The following FGF8 variants were observed in gnomAD, a reference collection of about 807,000 sequenced individuals.
FGF8 encodes androgen-induced growth factor.
In FGF8, 12 loss-of-function variants were observed where a neutral mutation model predicts 29.7. That is an observed-to-expected ratio of 0.40 (90% CI 0.26 to 0.65). The LOEUF is 0.65. Among genes scored for constraint, FGF8 ranks in the 30% least tolerant of loss-of-function variants. The pLI is 0.37. For missense variants in FGF8, 271 were observed against 345.1 expected (o/e 0.79, Z 1.70); for synonymous variants, 157 against 144.4 (o/e 1.09, Z -0.63).
rs2064999436 is a variant in FGF8 at position 101,770,295 on chromosome 10, G to T, written c.*34C>A. The stretch of plus-strand genomic sequence containing the variant: ...GGTGCCCTACAGGATGAGCCTCTCT[G>T]CGGTCTGGCATTGTGGGGAGGGCCA... On this transcript the variant is annotated 3_prime_UTR_variant, in exon 6 of 6. Transcript: ENST00000320185. 6.4e-7 allele frequency: 1 copy of T among 1,555,564 alleles called. No homozygotes were observed. The highest frequency in any genetic ancestry group is 1.2e-5 in the South Asian group (1 of 82,886).
Position 101,770,228 on chromosome 10 carries a change from C to T in FGF8, c.*101G>A. On this transcript the variant is annotated 3_prime_UTR_variant, in exon 6 of 6. Coordinates refer to ENST00000320185, the MANE Select transcript of FGF8 (RefSeq NM_033163.5). ...ACCCAGGGCTCCCCCAGCACCTCCC[C>T]AGCCTGCAGAGCAGCGCACAGCTCA... 2 of 1,206,434 alleles carry T rather than the reference C, an allele frequency of 1.7e-6. No homozygotes were observed. The highest frequency in any genetic ancestry group is 1.6e-5 in the South Asian group (1 of 62,244). 74.7% of individuals were successfully genotyped at this position (1,206,434 alleles called of 1,614,324 possible).
In FGF8 at chr10:101,770,377, C is replaced by A. The variant is rs545150103; in HGVS notation, c.687G>T (p.Thr229=). The change falls in exon 6 of 6, where the codon ACG becomes ACT. Residue 229 remains threonine (T), a synonymous_variant. Transcript: ENST00000320185. The stretch of plus-strand genomic sequence containing the variant: ...TCCTCTGGCTGCCGCGCAGGCTGCG[C>A]GTGAAGGGCGGGTAGTTGAGGAACT... ...RFEFLNYPPF[T]RSLRGSQRTW... 2.5e-6 allele frequency: 4 copies of A among 1,603,030 alleles called. No individual in the cohort carries two copies. Among genetic ancestry groups the A allele is most frequent in the East Asian group, 4.5e-5 (2 of 44,422 alleles).
chr10:101,778,924 G>A (rs2065118160), upstream of FGF8, among the ~76,000 whole-genome samples: 3 of 152,170 alleles, frequency 2.0e-5, no homozygotes, highest in Non-Finnish European at 4.4e-5. Flanking sequence ...TGGCCCAGAT[G>A]AGGGAGCGCC....
Position 101,770,156 on chromosome 10 carries a change from A to C in FGF8, c.*173T>G, listed in dbSNP as rs1007322914. On this transcript the variant is annotated 3_prime_UTR_variant, in exon 6 of 6. Transcript: ENST00000320185. Reference sequence around the variant, plus strand: ...TCTTTTGTTTTAAAAAAAAAAAAAAAAAAAAAAACAGCAAAAACCCAACAG... The same window carrying C: ...TCTTTTGTTTTAAAAAAAAAAAAAACAAAAAAAACAGCAAAAACCCAACAG... 31 of 570,206 alleles carry C rather than the reference A, an allele frequency of 5.4e-5. No homozygotes were observed. The highest frequency in any genetic ancestry group is 3.6e-5 in the Non-Finnish European group (12 of 337,812). The allele number at this position is 570,206 out of a possible 1,614,324, so 35.3% of individuals were successfully genotyped here.
rs570874523 is a variant in FGF8 at position 101,775,648 on chromosome 10, C to G, written c.69+92G>C. 25 of 1,439,110 alleles carry G rather than the reference C, an allele frequency of 1.7e-5. No homozygotes were observed. In the South Asian group the frequency reaches 3.1e-4, roughly 18 times the overall value. 89.1% of individuals were successfully genotyped at this position (1,439,110 alleles called of 1,614,324 possible). Reference sequence around the variant, plus strand: ...GTGCCCTCAGCCCTCCCGCGCCGGCCGCAGAGTCAGTCCCGGTGCCCCCGA... The same window carrying G: ...GTGCCCTCAGCCCTCCCGCGCCGGCGGCAGAGTCAGTCCCGGTGCCCCCGA... On this transcript the variant is annotated intron_variant, in intron 2 of 5. Coordinates refer to ENST00000320185, the MANE Select transcript of FGF8 (RefSeq NM_033163.5). This position sits in a 1 kb window ranked among gnomAD's most constrained non-coding sequence, Gnocchi z 4.6.
Position 101,775,841 on chromosome 10 carries a change from T to TGGGGGGGGGGGGGGG in FGF8, c.32+27_32+28insCCCCCCCCCCCCCCC. On this transcript the variant is annotated intron_variant, in intron 1 of 5. Transcript: ENST00000320185. The surrounding 1 kb of genome is among the most constrained non-coding windows in gnomAD (Gnocchi z 4.6). ...TGAGGCGAGGGGCGCGGGGGGCGGGTGGCGGGGCAGGGCGGCGCGGTACTC... is the reference window on the plus strand; with the variant it reads ...TGAGGCGAGGGGCGCGGGGGGCGGGTGGGGGGGGGGGGGGGGGCGGGGCAGGGCGGCGCGGTACTC... 1.0e-6 allele frequency: 1 copy of TGGGGGGGGGGGGGGG among 979,672 alleles called. No individual in the cohort carries two copies. Among genetic ancestry groups the TGGGGGGGGGGGGGGG allele is most frequent in the South Asian group, 1.7e-5 (1 of 59,474 alleles). 60.7% of individuals were successfully genotyped at this position (979,672 alleles called of 1,614,324 possible).
chr10:101,777,050 C>G (rs995869528), upstream of FGF8, among the ~76,000 whole-genome samples: 1 of 152,178 alleles, frequency 6.6e-6, no homozygotes, highest in Admixed American at 6.5e-5. Context: ...TCCAGGCCAC[C>G]CAGCCCTTTC....
intron 5 of FGF8, 49 bp from the exon 6 acceptor site, chr10:101,770,668 G>A (rs2065011429): frequency 7.5e-6 from 12 of 1,596,068 alleles, no homozygotes; most frequent in Non-Finnish European, 1.0e-5. Context: ...CCCCAGCAGA[G>A]GCAGAGGGCG....
chr10:101,776,834 C>G (rs1450717504), upstream of FGF8, among the ~76,000 whole-genome samples: 1 of 147,838 alleles, frequency 6.8e-6, no homozygotes, highest in African/African-American at 2.5e-5. Flanking sequence ...TCACTATCAC[C>G]CCTTCCCCTG....
chr10:101,772,927 T>C lies in FGF8; in HGVS notation c.338-1358A>G, dbSNP rs973706580. On this transcript the variant is annotated intron_variant, in intron 4 of 5. Coordinates refer to ENST00000320185, the MANE Select transcript of FGF8 (RefSeq NM_033163.5). This position sits in a 1 kb window ranked among gnomAD's most constrained non-coding sequence, Gnocchi z 4.4. ...TGCCTTCCACAGCAAGAGGCAGCTA[T>C]TTTTAAGGGCCAGGAAGGATGCTGA... 6.6e-6 allele frequency among the ~76,000 whole-genome samples: 1 copy of C among 152,162 alleles called. No homozygotes were observed. Among genetic ancestry groups the C allele is most frequent in the African/African-American group, 2.4e-5 (1 of 41,456 alleles).
upstream of FGF8, among the ~76,000 whole-genome samples, chr10:101,776,892 A>ACT (rs1455997177): frequency 7.7e-6 from 1 of 129,418 alleles, no homozygotes; most frequent in East Asian, 2.2e-4. Flanking sequence ...ACACACACAC[A>ACT]CTAGCCTGAA....
Position 101,771,028 on chromosome 10 carries a change from C to T in FGF8, c.445-409G>A, listed in dbSNP as rs1449801494. Among the ~76,000 whole-genome samples the T allele has an allele frequency of 6.6e-6, 1 of 152,128 alleles. No homozygotes were observed. Among genetic ancestry groups the T allele is most frequent in the Non-Finnish European group, 1.5e-5 (1 of 68,006 alleles). On this transcript the variant is annotated intron_variant, in intron 5 of 5. Coordinates refer to ENST00000320185, the MANE Select transcript of FGF8 (RefSeq NM_033163.5). This position sits in a 1 kb window ranked among gnomAD's most constrained non-coding sequence, Gnocchi z 5.3. ...GGAGGCCTGGGAGAAGATGCTAAGACCCCAGCCCCAGAAGCCCAGGAAGTG... is the reference window on the plus strand; with the variant it reads ...GGAGGCCTGGGAGAAGATGCTAAGATCCCAGCCCCAGAAGCCCAGGAAGTG...
Position 101,775,671 on chromosome 10 carries a change from C to A in FGF8, c.69+69G>T. ...GCCGCAGAGTCAGTCCCGGTGCCCC[C>A]GACCGGCGCTGCCCACCCGGGTCTC... On this transcript the variant is annotated intron_variant, in intron 2 of 5. Coordinates refer to ENST00000320185, the MANE Select transcript of FGF8 (RefSeq NM_033163.5). The surrounding 1 kb of genome is among the most constrained non-coding windows in gnomAD (Gnocchi z 4.6). The A allele has an allele frequency of 6.6e-7, 1 of 1,514,514 alleles. No homozygotes were observed. Among genetic ancestry groups the A allele is most frequent in the South Asian group, 1.2e-5 (1 of 83,118 alleles). 93.8% of individuals were successfully genotyped at this position (1,514,514 alleles called of 1,614,324 possible).
upstream of FGF8, chr10:101,776,233 C>G (rs1375889585): frequency 1.8e-5 from 1 of 55,804 alleles, no homozygotes; most frequent in Admixed American, 2.5e-4. Context: ...GAGCGCGGGG[C>G]GGGCGGCGGG....
At chr10:101,778,821 G>GCCT (rs2065117312), upstream of FGF8, among the ~76,000 whole-genome samples, 1 of 152,148 alleles carries the variant, frequency 6.6e-6, no homozygotes, top group African/African-American at 2.4e-5. Flanking sequence ...TGGCTCGCCC[G>GCCT]CCTCCCGGCC....
In FGF8 at chr10:101,775,246, AG is replaced by A; in HGVS notation, c.70-31del. 1 of 1,450,172 alleles carries A rather than the reference AG, an allele frequency of 6.9e-7. No homozygotes were observed. The highest frequency in any genetic ancestry group is 9.4e-7 in the Non-Finnish European group (1 of 1,059,254). 89.8% of individuals were successfully genotyped at this position (1,450,172 alleles called of 1,614,324 possible). A position where few individuals can be genotyped will look rare whatever the true frequency, so the allele number is the denominator to read the frequency against. On this transcript the variant is annotated intron_variant, in intron 2 of 5. Coordinates refer to ENST00000320185, the MANE Select transcript of FGF8 (RefSeq NM_033163.5). The surrounding 1 kb of genome is among the most constrained non-coding windows in gnomAD (Gnocchi z 4.6). ...AGGAGCAGGGCGCTTTTAAGTAGGG[AG>A]GCAGCCCTCCCCGACCCCTGACATT... is the stretch of plus-strand genomic sequence containing the variant.
upstream of FGF8, among the ~76,000 whole-genome samples, chr10:101,777,429 G>A (rs546134890): frequency 1.8e-4 from 27 of 152,300 alleles, no homozygotes; most frequent in Non-Finnish European, 4.4e-5. Flanking sequence ...CAAAATTAGC[G>A]GCAGCCCTAG....
chr10:101,778,076 C>T (rs1241939265), upstream of FGF8, among the ~76,000 whole-genome samples: 2 of 152,258 alleles, frequency 1.3e-5, no homozygotes, highest in African/African-American at 2.4e-5. Context: ...TCCCTCTCTG[C>T]ACTGCTTCAA....
chr10:101,775,232 G>A lies in FGF8; in HGVS notation c.70-16C>T, dbSNP rs928359114. On this transcript the variant is annotated splice_polypyrimidine_tract_variant and intron_variant, in intron 2 of 5. Coordinates refer to ENST00000320185, the MANE Select transcript of FGF8 (RefSeq NM_033163.5). This position sits in a 1 kb window ranked among gnomAD's most constrained non-coding sequence, Gnocchi z 4.6. ...CCGGGCCTTCCTAGAGGAGCAGGGC[G>A]CTTTTAAGTAGGGAGGCAGCCCTCC... is the stretch of plus-strand genomic sequence containing the variant. 5 of 1,527,360 alleles carry A rather than the reference G, an allele frequency of 3.3e-6. No individual in the cohort carries two copies. The highest frequency in any genetic ancestry group is 2.4e-5 in the East Asian group (1 of 40,822). 94.6% of individuals were successfully genotyped at this position (1,527,360 alleles called of 1,614,324 possible). A position where few individuals can be genotyped will look rare whatever the true frequency, so the allele number is the denominator to read the frequency against.
Sources: allele counts gnomAD v4.1 joint callset (sites outside exome capture counted in the v4.1 genomes callset), GRCh38; gene constraint gnomAD v4.1.1; non-coding constraint Gnocchi (gnomAD v3.1); transcripts MANE v1.5; gene names NCBI Gene and HGNC (gene_info 2026-07-23, HGNC 2026-07-21).